The following SOCS5 variants were observed in gnomAD, a reference collection of about 807,000 sequenced individuals.
SOCS5 encodes the protein suppressor of cytokine signaling 5.
A neutral mutation model predicts 42.8 loss-of-function variants in SOCS5; 32 were observed. That is an observed-to-expected ratio of 0.75 (90% CI 0.56 to 1.01). The LOEUF is 1.01. SOCS5 is among the 50% of genes least tolerant of loss of function. SOCS5 has a pLI of 0.00. For synonymous variants in SOCS5, 283 were observed against 229.6 expected (o/e 1.23, Z -2.10); for missense variants, 627 against 653.0 (o/e 0.96, Z 0.43).
intron 1 of SOCS5, among the ~76,000 whole-genome samples, chr2:46,753,407 C>T (rs559622531): frequency 1.3e-5 from 2 of 152,256 alleles, no homozygotes; most frequent in Non-Finnish European, 2.9e-5. Context: ...AACCAGTTGT[C>T]TGTAAAGTCT....
At chr2:46,730,648 A>T (rs17771017) in intron 1 of SOCS5, among the ~76,000 whole-genome samples, 1 of 152,130 alleles carries the variant, frequency 6.6e-6, no homozygotes, top group African/African-American at 2.4e-5. Context: ...ATTTCATACA[A>T]TTTTTTCCCA....
chr2:46,755,527 A>G (rs1477764846), intron 1 of SOCS5, among the ~76,000 whole-genome samples: 2 of 152,226 alleles, frequency 1.3e-5, no homozygotes, highest in Non-Finnish European at 2.9e-5. Flanking sequence ...TTATAAAATC[A>G]GTTTTAAATT....
At chr2:46,722,398 C>T (rs1672904340) in intron 1 of SOCS5, among the ~76,000 whole-genome samples, 1 of 152,078 alleles carries the variant, frequency 6.6e-6, no homozygotes, top group South Asian at 2.1e-4. Flanking sequence ...TCACATTTAA[C>T]TTGAGGTATA....
intron 1 of SOCS5, among the ~76,000 whole-genome samples, chr2:46,728,695 A>G (rs1192472666): frequency 1.3e-5 from 2 of 152,148 alleles, no homozygotes; most frequent in Non-Finnish European, 2.9e-5. Context: ...AGCTGGGACT[A>G]CAAGTGTGTG....
rs201623088 is a variant in SOCS5 at position 46,758,697 on chromosome 2, G to T, written c.167G>T (p.Ser56Ile). Residue 56 changes from serine (S) to isoleucine (I), a missense_variant, in exon 2 of 2, where the codon AGC (serine) becomes ATC (isoleucine). Transcript: ENST00000394861. ...SIGDSTPQQQ[S>I]SPLRENIALQ... ...GGAGACTCAACTCCTCAGCAACAAA[G>T]CAGTCCCTTAAGAGAAAATATTGCC... 3.8e-5 allele frequency: 61 copies of T among 1,614,000 alleles called. No individual in the cohort carries two copies. The highest frequency in any genetic ancestry group is 4.9e-5 in the Non-Finnish European group (58 of 1,179,996).
chr2:46,759,216 A>T lies in SOCS5; in HGVS notation c.686A>T (p.Lys229Ile), dbSNP rs920511378. The T allele has an allele frequency of 1.9e-6, 3 of 1,613,796 alleles. No homozygotes were observed. The African/African-American group carries it at 4.0e-5, about 22-fold the overall frequency. The part of the protein sequence containing the change: ...PFPAGSDLAQ[K>I]WHLIKQHTAP... ...CCTGCTGGCTCAGATTTAGCCCAAA[A>T]ATGGCATTTGATTAAACAGCATACA... Residue 229 changes from lysine (K) to isoleucine (I), a missense_variant, in exon 2 of 2, where the codon AAA (lysine) becomes ATA (isoleucine). Coordinates refer to ENST00000394861, the MANE Select transcript of SOCS5 (RefSeq NM_144949.3).
At chr2:46,752,758 A>T (rs542319226) in intron 1 of SOCS5, among the ~76,000 whole-genome samples, 2 of 152,316 alleles carry the variant, frequency 1.3e-5, no homozygotes, top group Non-Finnish European at 2.9e-5. Flanking sequence ...GCAACATTTT[A>T]AAAATTCAAT....
chr2:46,701,989 C>T (rs756833831), intron 1 of SOCS5, among the ~76,000 whole-genome samples: 1 of 151,460 alleles, frequency 6.6e-6, no homozygotes, highest in Non-Finnish European at 1.5e-5. Context: ...TCATTCCTAT[C>T]ATAGTTATAA....
chr2:46,720,773 T>C lies in SOCS5; in HGVS notation c.-13+21324T>C, dbSNP rs573257124. On this transcript the variant is annotated intron_variant, in intron 1 of 1. Coordinates refer to ENST00000394861, the MANE Select transcript of SOCS5 (RefSeq NM_144949.3). ...ATGCATCATAGGGGGTCCCTGGGAC[T>C]GTGAGGTACCAGTGCAGCTGGGTGC... Among the ~76,000 whole-genome samples the C allele has an allele frequency of 2.6e-5, 4 of 152,294 alleles. No individual in the cohort carries two copies. In the East Asian group the frequency reaches 7.7e-4, roughly 29 times the overall value.
At chr2:46,733,204 C>T (rs1673163792) in intron 1 of SOCS5, among the ~76,000 whole-genome samples, 1 of 152,104 alleles carries the variant, frequency 6.6e-6, no homozygotes, top group Admixed American at 6.6e-5. Context: ...AAGTGATGCT[C>T]CTGTCTCAGC....
chr2:46,739,662 G>C (rs544516114), intron 1 of SOCS5, among the ~76,000 whole-genome samples: 34 of 152,152 alleles, frequency 2.2e-4, no homozygotes, highest in Non-Finnish European at 1.6e-4. Flanking sequence ...GCATCCCCCA[G>C]AAGTAACCAT....
Position 46,762,232 on chromosome 2 carries a change from A to G in SOCS5, c.*2091A>G, listed in dbSNP as rs1018435511. ...TTATGTGCAATTAAGTTGTTATGAC[A>G]TAATTATATTGCCTAATTGTTGGGT... On this transcript the variant is annotated 3_prime_UTR_variant, in exon 2 of 2. Coordinates refer to ENST00000394861, the MANE Select transcript of SOCS5 (RefSeq NM_144949.3). 1.8e-5 allele frequency: 3 copies of G among 166,972 alleles called. No homozygotes were observed. Among genetic ancestry groups the G allele is most frequent in the African/African-American group, 7.2e-5 (3 of 41,468 alleles). The allele number at this position is 166,972 out of a possible 1,614,324, so 10.3% of individuals were successfully genotyped here.
At chr2:46,731,929 G>C (rs1391033062) in intron 1 of SOCS5, among the ~76,000 whole-genome samples, 2 of 152,202 alleles carry the variant, frequency 1.3e-5, no homozygotes, top group Non-Finnish European at 2.9e-5. Context: ...GGGAAAAGTT[G>C]CCTCTTGTGA....
chr2:46,707,966 T>C (rs1203007757), intron 1 of SOCS5, among the ~76,000 whole-genome samples: 1 of 152,170 alleles, frequency 6.6e-6, no homozygotes, highest in South Asian at 2.1e-4. Context: ...TATAATAAAG[T>C]GTTGAATATC....
chr2:46,704,199 G>A (rs765918623), intron 1 of SOCS5, among the ~76,000 whole-genome samples: 13 of 152,282 alleles, frequency 8.5e-5, no homozygotes, highest in Non-Finnish European at 1.9e-4. Context: ...TTTGAAATGG[G>A]CTTATGTGCT....
intron 1 of SOCS5, among the ~76,000 whole-genome samples, chr2:46,715,831 C>A (rs1672726404): frequency 6.6e-6 from 1 of 152,090 alleles, no homozygotes; most frequent in South Asian, 2.1e-4. Flanking sequence ...GTATTGTATT[C>A]ATCACATTTG....
intron 1 of SOCS5, among the ~76,000 whole-genome samples, chr2:46,710,887 T>C (rs940599576): frequency 2.0e-5 from 3 of 152,222 alleles, no homozygotes; most frequent in Non-Finnish European, 4.4e-5. Context: ...TTCTGATTTA[T>C]TTCACTGAAG....
At chr2:46,751,768 TTAA>T (rs1239441532) in intron 1 of SOCS5, among the ~76,000 whole-genome samples, 1 of 151,988 alleles carries the variant, frequency 6.6e-6, no homozygotes, top group African/African-American at 2.4e-5. Flanking sequence ...AAACATAATC[TTAA>T]ATGTTTTATG....
intron 1 of SOCS5, among the ~76,000 whole-genome samples, chr2:46,734,973 C>G (rs565198469): frequency 1.3e-5 from 2 of 152,292 alleles, no homozygotes; most frequent in East Asian, 3.9e-4. Flanking sequence ...GAGTCCATGC[C>G]TTTGCGGTAT....
Sources: allele counts gnomAD v4.1 joint callset (sites outside exome capture counted in the v4.1 genomes callset), GRCh38; gene constraint gnomAD v4.1.1; transcripts MANE v1.5; gene names NCBI Gene and HGNC (gene_info 2026-07-23, HGNC 2026-07-21).